The following MRPS5 variants were observed in gnomAD, a reference collection of about 807,000 sequenced individuals.
MRPS5 encodes the protein small ribosomal subunit protein uS5m.
Under a neutral mutation model 51.9 loss-of-function variants are expected in MRPS5, and 27 were observed. The ratio of observed to expected loss-of-function variants is 0.52; its 90% CI spans 0.38 to 0.72. The LOEUF is 0.72. MRPS5 is among the 30% of genes least tolerant of loss of function. The pLI is 0.00. For synonymous variants in MRPS5, 196 were observed against 193.2 expected, an observed-to-expected ratio of 1.01 and a Z score of -0.12; for missense variants, 570 against 545.7, an observed-to-expected ratio of 1.04 and a Z score of -0.44.
Position 95,087,181 on chromosome 2 carries a change from T to C in MRPS5, c.*176A>G, listed in dbSNP as rs1202493645. ...ATATGTATGTAAAGGTTCTATCACA[T>C]TGGCATATAACATGTGCTCAACAAA... On this transcript the variant is annotated 3_prime_UTR_variant, in exon 12 of 12. Transcript: ENST00000272418. 4 of 567,552 alleles carry C rather than the reference T, an allele frequency of 7.0e-6. No homozygotes were observed. Among genetic ancestry groups the C allele is most frequent in the Non-Finnish European group, 1.2e-5 (4 of 322,688 alleles). The allele number at this position is 567,552 out of a possible 1,614,324, so 35.2% of individuals were successfully genotyped here. A position where few individuals can be genotyped will look rare whatever the true frequency, so the allele number is the denominator to read the frequency against.
Position 95,108,246 on chromosome 2 carries a change from C to T in MRPS5, c.566G>A (p.Arg189Gln), listed in dbSNP as rs762379773. The T allele has an allele frequency of 1.9e-5, 31 of 1,614,008 alleles. No individual in the cohort carries two copies. The East Asian group carries it at 2.7e-4, about 14-fold the overall frequency. Reference protein sequence around the residue: ...WDRKKKMKVKRERGWSGNSWG... With the variant: ...WDRKKKMKVKQERGWSGNSWG... ...TGAGTTTCCACTCCATCCTCGCTCC[C>T]GTTTAACCTTCATCTTCTTCTTTCG... Residue 189 changes from arginine to glutamine, a missense_variant, in exon 5 of 12, where the codon CGG becomes CAG. By Grantham distance (43) the Arg-to-Gln change is conservative (BLOSUM62 1). Transcript: ENST00000272418.
intron 10 of MRPS5, among the ~76,000 whole-genome samples, chr2:95,099,249 AG>A (rs1414634040): frequency 6.6e-6 from 1 of 151,894 alleles, no homozygotes; most frequent in Non-Finnish European, 1.5e-5. Flanking sequence ...AAAAAAAAAA[AG>A]TTGTAGCAGT....
At chr2:95,112,422 ATC>A (rs1287629197) in intron 3 of MRPS5, among the ~76,000 whole-genome samples, 1 of 152,164 alleles carries the variant, frequency 6.6e-6, no homozygotes, top group East Asian at 1.9e-4. Context: ...GTAGTGTCTA[ATC>A]TTATACATGG....
chr2:95,121,706 C>T (rs1573358655), intron 1 of MRPS5, 28 bp downstream of exon 1: 1 of 1,528,748 alleles, frequency 6.5e-7, no homozygotes. Flanking sequence ...CCGCTCAGAG[C>T]CCCTGCTCCC....
intron 1 of MRPS5, 103 bp from the exon 2 acceptor site, chr2:95,118,048 C>T (rs560854265): frequency 2.0e-4 from 162 of 824,670 alleles, no homozygotes; most frequent in African/African-American, 2.3e-4. Flanking sequence ...AGAACCAAGA[C>T]GAGGGAGTAA....
intron 1 of MRPS5, among the ~76,000 whole-genome samples, chr2:95,120,368 T>C (rs1331168382): frequency 6.6e-6 from 1 of 152,166 alleles, no homozygotes; most frequent in African/African-American, 2.4e-5. Flanking sequence ...ATGATTCTAC[T>C]TATATGTAAT....
intron 2 of MRPS5, among the ~76,000 whole-genome samples, chr2:95,117,603 C>T (rs113808841): frequency 1.3e-5 from 2 of 150,164 alleles, no homozygotes; most frequent in African/African-American, 2.4e-5. Flanking sequence ...GAAACTACCC[C>T]GTAATTGTTA....
chr2:95,105,690 A>T (rs1675929059), intron 6 of MRPS5, among the ~76,000 whole-genome samples: 1 of 152,238 alleles, frequency 6.6e-6, no homozygotes, highest in South Asian at 2.1e-4. Flanking sequence ...ATCTTATAGA[A>T]AATCACCCAC....
At chr2:95,113,507 A>T (rs2104425030) in intron 3 of MRPS5, among the ~76,000 whole-genome samples, 1 of 152,216 alleles carries the variant, frequency 6.6e-6, no homozygotes, top group East Asian at 1.9e-4. Context: ...AAATAAATAA[A>T]AATTCCCAAG....
At chr2:95,098,158 T>C (rs1365730971) in intron 10 of MRPS5, among the ~76,000 whole-genome samples, 3 of 152,212 alleles carry the variant, frequency 2.0e-5, no homozygotes, top group Non-Finnish European at 4.4e-5. Flanking sequence ...TCACACCAGT[T>C]AGAATGGCAA....
intron 8 of MRPS5, among the ~76,000 whole-genome samples, chr2:95,101,134 A>G (rs1445570812): frequency 6.6e-6 from 1 of 152,318 alleles, no homozygotes; most frequent in East Asian, 1.9e-4. Context: ...CTACAATCCC[A>G]GCACTTTGGG....
chr2:95,093,296 G>A (rs1273642996), intron 10 of MRPS5: 1 of 152,332 alleles, frequency 6.6e-6, no homozygotes, highest in Non-Finnish European at 1.5e-5. Context: ...CTAAACAAAA[G>A]GCAGCAGAAA....
chr2:95,105,407 G>A (rs578062859), intron 6 of MRPS5, among the ~76,000 whole-genome samples: 84 of 152,234 alleles, frequency 5.5e-4, no homozygotes, highest in Non-Finnish European at 1.1e-3. Context: ...AAAATTAGCC[G>A]GGTGTGGTGG....
Position 95,117,918 on chromosome 2 carries a change from A to G in MRPS5, c.86T>C (p.Leu29Pro). Residue 29 changes from leucine to proline, a missense_variant, in exon 2 of 12, where the codon CTA (leucine) becomes CCA (proline). Leu to Pro is a moderately conservative substitution (Grantham distance 98). Transcript: ENST00000272418. ...AATGGAAGCTGCTGGTAAGGTGTTT[A>G]GGGAACACTGCCTCCCCAATAAATG... Reference protein sequence around the residue: ...AGHLLGRQCSLNTLPAASILA... With the variant: ...AGHLLGRQCSPNTLPAASILA... The G allele has an allele frequency of 6.2e-7, 1 of 1,607,534 alleles. No homozygotes were observed.
intron 1 of MRPS5, among the ~76,000 whole-genome samples, chr2:95,119,452 T>C (rs1055529348): frequency 3.3e-5 from 5 of 151,556 alleles, no homozygotes; most frequent in African/African-American, 1.2e-4. Context: ...TCTACAAATT[T>C]TTTTCTTTAA....
chr2:95,104,049 T>A (rs1234738902), intron 7 of MRPS5: 2 of 152,766 alleles, frequency 1.3e-5, no homozygotes, highest in African/African-American at 4.8e-5. Flanking sequence ...CAAAAACAGG[T>A]GTCCACTATG....
At position 95,086,012 on chromosome 2, in the gene MRPS5, T is replaced by C. The variant is rs1273717715; in HGVS notation, c.*1345A>G. On this transcript the variant is annotated 3_prime_UTR_variant, in exon 12 of 12. Transcript: ENST00000272418. ...GCAGCCTCAACCTCCTGCAATCAAATGATCCTCCCACTTCAGCCTCCTATG... is the reference window on the plus strand; with the variant it reads ...GCAGCCTCAACCTCCTGCAATCAAACGATCCTCCCACTTCAGCCTCCTATG... Among the ~76,000 whole-genome samples the C allele has an allele frequency of 6.6e-6, 1 of 151,756 alleles. No homozygotes were observed. The highest frequency in any genetic ancestry group is 1.5e-5 in the Non-Finnish European group (1 of 67,986).
chr2:95,112,168 G>A (rs1676140135), intron 3 of MRPS5, among the ~76,000 whole-genome samples: 1 of 152,114 alleles, frequency 6.6e-6, no homozygotes, highest in South Asian at 2.1e-4. Flanking sequence ...GGGTTCAAGA[G>A]ATTCTCCTGC....
At chr2:95,103,547 A>G (rs1675862533) in intron 7 of MRPS5, among the ~76,000 whole-genome samples, 1 of 152,256 alleles carries the variant, frequency 6.6e-6, no homozygotes, top group African/African-American at 2.4e-5. Context: ...TAAAATACAT[A>G]TAACCTTGGG....
Sources: gnomAD v4.1 joint callset for allele counts (sites outside exome capture counted in the v4.1 genomes callset) on GRCh38, gnomAD v4.1.1 for gene constraint, MANE v1.5 for transcripts, NCBI Gene and HGNC (gene_info 2026-07-23, HGNC 2026-07-21) for gene names.